NSMCE2: variants seen among roughly 807,000 people sequenced by gnomAD.
The protein encoded by NSMCE2 is E3 SUMO-protein ligase NSE2.
A neutral mutation model predicts 23.8 loss-of-function variants in NSMCE2; 24 were observed. The observed-to-expected ratio is 1.01, with a 90% CI of 0.73 to 1.42. The LOEUF is 1.42. Among genes scored for constraint, NSMCE2 ranks in the 40% most tolerant of loss-of-function variants. The pLI, the probability that NSMCE2 is intolerant of heterozygous loss-of-function variation, is 0.00. For synonymous variants in NSMCE2, 92 were observed against 94.1 expected, an observed-to-expected ratio of 0.98 and a Z score of 0.13; for missense variants, 284 against 296.5, an observed-to-expected ratio of 0.96 and a Z score of 0.31.
At chr8:125,196,203 C>CT (rs59684072) in intron 5 of NSMCE2, among the ~76,000 whole-genome samples, 6,383 of 133,910 alleles carry the variant, frequency 0.048, 368 homozygotes, top group African/African-American at 0.13. Flanking sequence ...TTTTTTTTTT[C>CT]TTTTTTTTTT....
intron 5 of NSMCE2, among the ~76,000 whole-genome samples, chr8:125,186,725 T>C (rs1823125851): frequency 6.6e-6 from 1 of 152,178 alleles, no homozygotes; most frequent in African/African-American, 2.4e-5. Context: ...CAGAAAGATT[T>C]TGAGGCTGGG....
intron 5 of NSMCE2, among the ~76,000 whole-genome samples, chr8:125,286,314 T>TTG (rs1827894786): frequency 4.1e-5 from 4 of 97,488 alleles, no homozygotes; most frequent in African/African-American, 1.2e-4. Context: ...ACCTTTTATT[T>TTG]ATTTTTTTTT....
chr8:125,299,809 T>C (rs912788992), intron 5 of NSMCE2, among the ~76,000 whole-genome samples: 4 of 105,522 alleles, frequency 3.8e-5, no homozygotes, highest in Admixed American at 3.6e-4. Context: ...GCTTTCTTTT[T>C]TTTTTTTTTT....
At chr8:125,146,605 A>G (rs1203621543) in intron 3 of NSMCE2, among the ~76,000 whole-genome samples, 1 of 152,204 alleles carries the variant, frequency 6.6e-6, no homozygotes, top group Admixed American at 6.5e-5. Flanking sequence ...AGGGACATGG[A>G]TGAAGCTGGA....
At chr8:125,326,814 G>A (rs1043607893) in intron 5 of NSMCE2, among the ~76,000 whole-genome samples, 3 of 151,382 alleles carry the variant, frequency 2.0e-5, no homozygotes, top group Admixed American at 2.0e-4. Flanking sequence ...AAATTAGCCG[G>A]TCGTGGTGGC....
rs542539589 is a variant in NSMCE2 at position 125,181,305 on chromosome 8, T to TTTTC, written c.265-797_265-796insTTCT. 4.7e-4 allele frequency among the ~76,000 whole-genome samples: 71 copies of TTTTC among 152,168 alleles called. No individual in the cohort carries two copies. In the South Asian group the frequency reaches 0.014, roughly 31 times the overall value. ...TGGGTGTGAAGAGCCTGTGTAAAGGTTCTTGAGAAAAGAGCCCGTTGAGAG... is the reference window on the plus strand; with the variant it reads ...TGGGTGTGAAGAGCCTGTGTAAAGGTTTTCTCTTGAGAAAAGAGCCCGTTGAGAG... On this transcript the variant is annotated intron_variant, in intron 4 of 7. Transcript: ENST00000287437.
intron 5 of NSMCE2, among the ~76,000 whole-genome samples, chr8:125,246,567 G>C (rs973814372): frequency 6.6e-6 from 1 of 152,008 alleles, no homozygotes; most frequent in African/African-American, 2.4e-5. Flanking sequence ...TTTAAAGAAA[G>C]ACTCCTCCCT....
chr8:125,200,636 C>G (rs1277537133), intron 5 of NSMCE2, among the ~76,000 whole-genome samples: 1 of 152,174 alleles, frequency 6.6e-6, no homozygotes, highest in Non-Finnish European at 1.5e-5. Flanking sequence ...CTTGGTTAAT[C>G]TGACAATTAT....
chr8:125,326,276 A>G (rs1277388090), intron 5 of NSMCE2, among the ~76,000 whole-genome samples: 1 of 152,164 alleles, frequency 6.6e-6, no homozygotes, highest in Non-Finnish European at 1.5e-5. Context: ...TAAAATAAAT[A>G]ATAAAAATAA....
Position 125,280,160 on chromosome 8 carries a change from G to T in NSMCE2, c.419-77059G>T, listed in dbSNP as rs142987661. ...ATGGAAAAGATGATTTTTTAAAGCTGCCTTTATTAACATAAGCAAGAACGT... is the reference window on the plus strand; with the variant it reads ...ATGGAAAAGATGATTTTTTAAAGCTTCCTTTATTAACATAAGCAAGAACGT... On this transcript the variant is annotated intron_variant, in intron 5 of 7. Transcript: ENST00000287437. Among the ~76,000 whole-genome samples, 26 of 152,236 alleles carry T rather than the reference G, an allele frequency of 1.7e-4. No homozygotes were observed. The East Asian group carries it at 4.6e-3, about 27-fold the overall frequency.
intron 5 of NSMCE2, among the ~76,000 whole-genome samples, chr8:125,240,247 C>G (rs1825717755): frequency 6.6e-6 from 1 of 151,998 alleles, no homozygotes; most frequent in African/African-American, 2.4e-5. Flanking sequence ...GCCTCAGCCT[C>G]CCGAGTAGCT....
At chr8:125,130,358 C>G (rs1586479899) in intron 3 of NSMCE2, 1 of 444,662 alleles carries the variant, frequency 2.2e-6, no homozygotes, top group East Asian at 7.0e-5. Flanking sequence ...TGGAAAGGTA[C>G]TTTTTTCTTT....
At chr8:125,232,087 C>T (rs574282550) in intron 5 of NSMCE2, among the ~76,000 whole-genome samples, 7 of 152,256 alleles carry the variant, frequency 4.6e-5, no homozygotes, top group South Asian at 2.1e-4. Context: ...TGATGCCGGG[C>T]GCAGTGGCTC....
At chr8:125,167,409 G>A (rs1159468543) in intron 4 of NSMCE2, among the ~76,000 whole-genome samples, 1 of 152,196 alleles carries the variant, frequency 6.6e-6, no homozygotes, top group Admixed American at 6.5e-5. Context: ...GTTTATGCCT[G>A]TAATCCCAGG....
At chr8:125,264,812 T>A (rs1826846989) in intron 5 of NSMCE2, among the ~76,000 whole-genome samples, 1 of 152,206 alleles carries the variant, frequency 6.6e-6, no homozygotes, top group Admixed American at 6.5e-5. Flanking sequence ...TCCAACTCTT[T>A]ATAAAATAAT....
chr8:125,217,280 G>T (rs1206136569), intron 5 of NSMCE2, among the ~76,000 whole-genome samples: 1 of 151,848 alleles, frequency 6.6e-6, no homozygotes, highest in African/African-American at 2.4e-5. Context: ...TAATTTTCAG[G>T]GAGTCCTAGA....
At chr8:125,244,868 G>A (rs188968028) in intron 5 of NSMCE2, among the ~76,000 whole-genome samples, 2 of 152,276 alleles carry the variant, frequency 1.3e-5, no homozygotes, top group East Asian at 3.9e-4. Context: ...AGGAGCGACT[G>A]CTCAAAGCTT....
At chr8:125,148,550 C>A (rs1820811436) in intron 3 of NSMCE2, among the ~76,000 whole-genome samples, 1 of 152,130 alleles carries the variant, frequency 6.6e-6, no homozygotes, top group African/African-American at 2.4e-5. Context: ...ACTTTTGCTC[C>A]CAACAGATAC....
chr8:125,252,437 A>G (rs1826235668), intron 5 of NSMCE2, among the ~76,000 whole-genome samples: 2 of 152,136 alleles, frequency 1.3e-5, no homozygotes, highest in South Asian at 4.1e-4. Context: ...GAGACAGGAG[A>G]ATGGCGTGAA....
Sources: gnomAD v4.1 joint callset for allele counts (sites outside exome capture counted in the v4.1 genomes callset) on GRCh38, gnomAD v4.1.1 for gene constraint, MANE v1.5 for transcripts, NCBI Gene and HGNC (gene_info 2026-07-23, HGNC 2026-07-21) for gene names.